GRIK1: variants seen among roughly 807,000 people sequenced by gnomAD.
GRIK1 encodes the protein glutamate receptor ionotropic, kainate 1.
GRIK1 carries 69 observed loss-of-function variants against 105.7 expected under a neutral mutation model. The ratio of observed to expected loss-of-function variants is 0.65; its 90% CI spans 0.54 to 0.80. GRIK1 has a LOEUF of 0.80. GRIK1 is among the 30% of genes least tolerant of loss of function. The probability of loss-of-function intolerance (pLI) is 0.00; values close to 1 mark genes in which losing one functional copy is unlikely to be tolerated. For synonymous variants in GRIK1, 438 were observed against 431.3 expected, an observed-to-expected ratio of 1.02 and a Z score of -0.19; for missense variants, 1,109 against 1,167.3, an observed-to-expected ratio of 0.95 and a Z score of 0.73.
chr21:29,713,114 G>A (rs1040589333), intron 1 of GRIK1, among the ~76,000 whole-genome samples: 8 of 151,944 alleles, frequency 5.3e-5, no homozygotes, highest in Admixed American at 1.3e-4. Flanking sequence ...AGCAGCTGTC[G>A]GCACACTGCC....
intron 3 of GRIK1, among the ~76,000 whole-genome samples, chr21:29,686,327 A>C (rs942850492): frequency 6.6e-6 from 1 of 152,228 alleles, no homozygotes. Context: ...TTATCCAATG[A>C]ACCAGAATAT....
In GRIK1 at chr21:29,588,907, C is replaced by T; in HGVS notation, c.1501G>A (p.Asp501Asn). Residue 501 changes from aspartate to asparagine, a missense_variant, in exon 11 of 18, where the codon GAT (aspartate) becomes AAT (asparagine). Asp to Asn is a conservative substitution (Grantham distance 23). Transcript: ENST00000327783. The part of the protein sequence containing the change: ...GFIYDVKLVP[D>N]GKYGAQNDKG... The stretch of plus-strand genomic sequence containing the variant: ...TCATTCTGGGCCCCATATTTGCCAT[C>T]GGGAACTAGTTTAACATCATAAATG... 2.5e-6 allele frequency: 4 copies of T among 1,610,614 alleles called. No individual in the cohort carries two copies. The highest frequency in any genetic ancestry group is 1.7e-5 in the Admixed American group (1 of 60,020).
intron 7 of GRIK1, among the ~76,000 whole-genome samples, chr21:29,620,658 A>G (rs527313783): frequency 2.3e-4 from 31 of 131,982 alleles, no homozygotes; most frequent in African/African-American, 8.3e-4. Flanking sequence ...GGACCAAAGG[A>G]AAAAAAAAAA....
chr21:29,560,578 C>CTTTCTT (rs2090452001), intron 15 of GRIK1, among the ~76,000 whole-genome samples: 6 of 47,922 alleles, frequency 1.3e-4, no homozygotes, highest in South Asian at 7.2e-4. Flanking sequence ...CTTTCTTTCT[C>CTTTCTT]TCTTTCTTTC....
At chr21:29,580,955 T>A (rs1438893846) in intron 13 of GRIK1, among the ~76,000 whole-genome samples, 3 of 152,188 alleles carry the variant, frequency 2.0e-5, no homozygotes, top group East Asian at 3.9e-4. Flanking sequence ...GAAAAGTTAC[T>A]GGGAGGCTGA....
intron 1 of GRIK1, among the ~76,000 whole-genome samples, chr21:29,719,037 C>T (rs1428126529): frequency 1.3e-5 from 2 of 150,364 alleles, no homozygotes; most frequent in Non-Finnish European, 3.0e-5. Flanking sequence ...GAATTCATGT[C>T]CTTGAGCCAG....
At chr21:29,754,746 G>T (rs575839797) in intron 1 of GRIK1, among the ~76,000 whole-genome samples, 1 of 152,276 alleles carries the variant, frequency 6.6e-6, no homozygotes, top group South Asian at 2.1e-4. Context: ...TCCATAATCT[G>T]GGTGGGCCTG....
intron 1 of GRIK1, among the ~76,000 whole-genome samples, chr21:29,740,222 C>CTT (rs758827283): frequency 2.8e-5 from 4 of 143,636 alleles, no homozygotes; most frequent in African/African-American, 5.1e-5. Flanking sequence ...TTTTCCTTTT[C>CTT]TTTTTTTTTT....
At chr21:29,613,960 T>C (rs1034092685) in intron 7 of GRIK1, among the ~76,000 whole-genome samples, 1 of 152,216 alleles carries the variant, frequency 6.6e-6, no homozygotes, top group African/African-American at 2.4e-5. Context: ...TTTCAAAGAC[T>C]GCTTGCCCTG....
chr21:29,896,732 C>A (rs2070177459), intron 1 of GRIK1, among the ~76,000 whole-genome samples: 1 of 152,132 alleles, frequency 6.6e-6, no homozygotes. Flanking sequence ...AATGAATGAA[C>A]TGACCAATTC....
At chr21:29,830,351 ACACACACACACT>A (rs766283993) in intron 1 of GRIK1, among the ~76,000 whole-genome samples, 3,107 of 141,114 alleles carry the variant, frequency 0.022, 63 homozygotes, top group African/African-American at 0.052. Context: ...ACACACACAC[ACACACACACACT>A]CACACACATA....
chr21:29,560,335 CT>C lies in GRIK1; in HGVS notation c.2356+1288del, dbSNP rs1568812914. Among the ~76,000 whole-genome samples, 40 of 118,108 alleles carry C rather than the reference CT, an allele frequency of 3.4e-4. 1 individual carries two copies. Among genetic ancestry groups the C allele is most frequent in the Non-Finnish European group, 5.4e-4 (31 of 57,806 alleles). 77.5% of individuals were successfully genotyped at this position (118,108 alleles called of 152,430 possible). A position where few individuals can be genotyped will look rare whatever the true frequency, so the allele number is the denominator to read the frequency against. On this transcript the variant is annotated intron_variant, in intron 15 of 17. Transcript: ENST00000327783. ...TCTTTCTTTCTTTCTTTCTTTCTTT[CT>C]TTCTTTCTTTCTTTCTTTCTTTTTC...
chr21:29,649,205 A>G (rs1479756195), intron 6 of GRIK1, among the ~76,000 whole-genome samples: 1 of 152,210 alleles, frequency 6.6e-6, no homozygotes, highest in Non-Finnish European at 1.5e-5. Flanking sequence ...GTTACGCTTC[A>G]CATAATTTCA....
intron 1 of GRIK1, among the ~76,000 whole-genome samples, chr21:29,701,792 A>G (rs1243514333): frequency 6.6e-6 from 1 of 152,184 alleles, no homozygotes; most frequent in Non-Finnish European, 1.5e-5. Context: ...GGCTTTGTAC[A>G]AATTAGTGGA....
intron 13 of GRIK1, among the ~76,000 whole-genome samples, chr21:29,577,499 T>C (rs1025321924): frequency 1.3e-5 from 2 of 152,226 alleles, no homozygotes; most frequent in African/African-American, 4.8e-5. Context: ...ACTTTTTGCC[T>C]TTTATTACTG....
At position 29,771,216 on chromosome 21, in the gene GRIK1, A is replaced by G. The variant is rs577331683; in HGVS notation, c.119-77153T>C. On this transcript the variant is annotated intron_variant, in intron 1 of 17. Coordinates refer to ENST00000327783, the MANE Select transcript of GRIK1 (RefSeq NM_001330994.2). Reference sequence around the variant, plus strand: ...CATGTCAACATTTTATTTTATCTGAATTATGTAGTTCCAAAACTCATACTA... The same window carrying G: ...CATGTCAACATTTTATTTTATCTGAGTTATGTAGTTCCAAAACTCATACTA... Among the ~76,000 whole-genome samples, 20 of 152,330 alleles carry G rather than the reference A, an allele frequency of 1.3e-4. No individual in the cohort carries two copies. In the East Asian group the frequency reaches 3.7e-3, roughly 28 times the overall value.
intron 7 of GRIK1, among the ~76,000 whole-genome samples, chr21:29,608,901 T>C (rs943193400): frequency 1.2e-4 from 18 of 152,024 alleles, no homozygotes; most frequent in Non-Finnish European, 2.9e-5. Context: ...TTTTTAATAG[T>C]CCAGGAGCAG....
chr21:29,862,696 A>T (rs748951092), intron 1 of GRIK1, among the ~76,000 whole-genome samples: 4 of 152,250 alleles, frequency 2.6e-5, no homozygotes, highest in Non-Finnish European at 4.4e-5. Flanking sequence ...GGAAACAAAA[A>T]AACACTACAG....
chr21:29,788,052 C>T (rs1192543673), intron 1 of GRIK1, among the ~76,000 whole-genome samples: 3 of 152,028 alleles, frequency 2.0e-5, no homozygotes, highest in East Asian at 3.9e-4. Flanking sequence ...TTTGCTTCTT[C>T]GATAATCTAA....
Sources: gnomAD v4.1 joint callset for allele counts (sites outside exome capture counted in the v4.1 genomes callset) on GRCh38, gnomAD v4.1.1 for gene constraint, MANE v1.5 for transcripts, NCBI Gene and HGNC (gene_info 2026-07-23, HGNC 2026-07-21) for gene names.